The following PLOD2 variants were observed in gnomAD, a reference collection of about 807,000 sequenced individuals.
The protein encoded by PLOD2 is lysine hydroxylase 2.
In PLOD2, 65 loss-of-function variants were observed where a neutral mutation model predicts 101.0. The observed-to-expected ratio is 0.64, with a 90% CI of 0.53 to 0.79. The LOEUF is 0.79. Ranked by LOEUF, PLOD2 falls within the 30% of genes least tolerant of loss-of-function variation. The pLI is 0.00. For missense variants in PLOD2, 909 were observed against 914.6 expected (o/e 0.99, Z 0.08); for synonymous variants, 314 against 302.9 (o/e 1.04, Z -0.38).
chr3:146,117,506 T>G (rs758584873), intron 3 of PLOD2, among the ~76,000 whole-genome samples: 1 of 152,072 alleles, frequency 6.6e-6, no homozygotes, highest in Admixed American at 6.6e-5. Context: ...GTAAAAAAAA[T>G]TTCTTATGTG....
intron 1 of PLOD2, among the ~76,000 whole-genome samples, chr3:146,147,913 C>T (rs542231251): frequency 3.9e-5 from 6 of 152,128 alleles, no homozygotes; most frequent in East Asian, 3.9e-4. Flanking sequence ...TGTTGCCATA[C>T]GGGAAGGAAA....
At chr3:146,158,954 G>A (rs375055710) in intron 1 of PLOD2, among the ~76,000 whole-genome samples, 3 of 152,234 alleles carry the variant, frequency 2.0e-5, no homozygotes, top group East Asian at 3.9e-4. Context: ...TTATGTCAAC[G>A]AATAAGCTTC....
chr3:146,077,011 T>C, intron 14 of PLOD2, 116 bp from the exon 15 acceptor site: 3 of 1,274,942 alleles, frequency 2.4e-6, no homozygotes, highest in Non-Finnish European at 3.1e-6. Flanking sequence ...TTTATGAACA[T>C]GCATTTTTAG....
At chr3:146,147,601 C>T (rs1048448031) in intron 1 of PLOD2, among the ~76,000 whole-genome samples, 8 of 151,998 alleles carry the variant, frequency 5.3e-5, no homozygotes, top group African/African-American at 1.5e-4. Flanking sequence ...TGGACTCAAC[C>T]GACAGGATGC....
rs368823405 is a variant in PLOD2 at position 146,071,132 on chromosome 3, G to A, written c.2031C>T (p.Ser677=). The change falls in exon 19 of 20, where the codon TCC becomes TCT. Residue 677 remains serine, a synonymous_variant. Coordinates refer to ENST00000282903, the MANE Select transcript of PLOD2 (RefSeq NM_182943.3). ...GACGAAGAGAACGCTGTCGTTCAGGGGAGTATTTTACTACAAAATTCAGTA... is the reference window on the plus strand; with the variant it reads ...GACGAAGAGAACGCTGTCGTTCAGGAGAGTATTTTACTACAAAATTCAGTA... ...FALLNFVVKY[S]PERQRSLRPH... is the part of the protein sequence containing the mutation. The A allele has an allele frequency of 2.5e-6, 4 of 1,610,902 alleles. No homozygotes were observed. Among genetic ancestry groups the A allele is most frequent in the East Asian group, 2.2e-5 (1 of 44,766 alleles).
intron 12 of PLOD2, among the ~76,000 whole-genome samples, chr3:146,079,954 C>T (rs929136937): frequency 1.6e-4 from 24 of 152,016 alleles, no homozygotes; most frequent in Non-Finnish European, 1.5e-4. Context: ...TTTCCCACAT[C>T]TATATTCTCA....
At chr3:146,105,665 CTA>C (rs1253679567) in intron 5 of PLOD2, among the ~76,000 whole-genome samples, 1 of 152,172 alleles carries the variant, frequency 6.6e-6, no homozygotes, top group African/African-American at 2.4e-5. Flanking sequence ...CACATAAAGT[CTA>C]TGTTATCATC....
intron 1 of PLOD2, among the ~76,000 whole-genome samples, chr3:146,135,123 C>T (rs771093209): frequency 6.6e-5 from 10 of 152,094 alleles, no homozygotes; most frequent in Non-Finnish European, 1.3e-4. Flanking sequence ...TTATATCTTC[C>T]ATTGCATCTA....
chr3:146,135,267 G>C (rs532217812), intron 1 of PLOD2, among the ~76,000 whole-genome samples: 1 of 152,046 alleles, frequency 6.6e-6, no homozygotes, highest in Non-Finnish European at 1.5e-5. Flanking sequence ...ATTGTTCTAC[G>C]AGTTGAAGTT....
intron 1 of PLOD2, among the ~76,000 whole-genome samples, chr3:146,151,965 C>T (rs2032077568): frequency 6.6e-6 from 1 of 152,072 alleles, no homozygotes; most frequent in African/African-American, 2.4e-5. Flanking sequence ...CTGTTAGTTA[C>T]CTCTAAAAAA....
chr3:146,076,329 C>G (rs1188851880), intron 15 of PLOD2: 1 of 154,704 alleles, frequency 6.5e-6, no homozygotes, highest in African/African-American at 2.4e-5. Context: ...AACACATTTT[C>G]TTTATCCAAT....
intron 1 of PLOD2, among the ~76,000 whole-genome samples, chr3:146,139,614 C>T (rs2031422999): frequency 1.3e-5 from 2 of 152,092 alleles, no homozygotes; most frequent in South Asian, 4.1e-4. Context: ...AGCTTTTCTG[C>T]ACATCCAATA....
chr3:146,095,859 CCCCTCT>C, intron 7 of PLOD2, among the ~76,000 whole-genome samples: 1 of 1,302 alleles, frequency 7.7e-4, no homozygotes. Context: ...TATACCCTCT[CCCCTCT>C]CCCCTCTCCC....
intron 12 of PLOD2, 147 bp from the exon 13 acceptor site, chr3:146,079,404 AT>A: frequency 1.5e-6 from 1 of 648,514 alleles, no homozygotes; most frequent in East Asian, 2.8e-5. Flanking sequence ...AATGATATAT[AT>A]ATAAGATTAC....
intron 3 of PLOD2, among the ~76,000 whole-genome samples, chr3:146,116,268 C>T (rs1280206996): frequency 6.6e-6 from 1 of 152,028 alleles, no homozygotes; most frequent in East Asian, 1.9e-4. Context: ...CACACAGACA[C>T]ACACACGCAC....
intron 1 of PLOD2, among the ~76,000 whole-genome samples, chr3:146,130,075 T>A (rs898915187): frequency 6.6e-6 from 1 of 152,174 alleles, no homozygotes; most frequent in Non-Finnish European, 1.5e-5. Context: ...TTCTCTCCTC[T>A]CCAATCTCAT....
chr3:146,128,972 A>T (rs979307706), intron 1 of PLOD2, among the ~76,000 whole-genome samples: 2 of 141,486 alleles, frequency 1.4e-5, no homozygotes. Flanking sequence ...GTTAAATAAC[A>T]GCACTAGCCC....
intron 3 of PLOD2, 27 bp downstream of exon 3, chr3:146,121,085 T>G (rs1644698837): frequency 6.6e-7 from 1 of 1,510,528 alleles, no homozygotes; most frequent in Non-Finnish European, 9.2e-7. Flanking sequence ...AATATAGATT[T>G]TAAAATCCAC....
intron 7 of PLOD2, among the ~76,000 whole-genome samples, chr3:146,097,010 G>GC (rs1937205610): frequency 3.5e-5 from 5 of 144,738 alleles, no homozygotes; most frequent in Admixed American, 2.0e-4. Flanking sequence ...GGGGGGGTCA[G>GC]CCCCCCGCCC....
Sources: allele counts gnomAD v4.1 joint callset (sites outside exome capture counted in the v4.1 genomes callset), GRCh38; gene constraint gnomAD v4.1.1; transcripts MANE v1.5; gene names NCBI Gene and HGNC (gene_info 2026-07-23, HGNC 2026-07-21).